The following SPTBN2 variants were observed in gnomAD, a reference collection of about 807,000 sequenced individuals.
SPTBN2 encodes the protein spectrin beta, non-erythrocytic 2.
In SPTBN2, 107 loss-of-function variants were observed where a neutral mutation model predicts 284.2. The ratio of observed to expected loss-of-function variants is 0.38; its 90% CI spans 0.32 to 0.44. SPTBN2 has a LOEUF of 0.44. SPTBN2 is among the 20% of genes least tolerant of loss of function. SPTBN2 has a pLI of 1.00. For missense variants in SPTBN2, 2,569 were observed against 3,287.1 expected, an observed-to-expected ratio of 0.78 and a Z score of 5.34; for synonymous variants, 1,289 against 1,354.8, an observed-to-expected ratio of 0.95 and a Z score of 1.07.
At chr11:66,723,386 A>C (rs1319101569) in intron 1 of SPTBN2, among the ~76,000 whole-genome samples, 1 of 151,988 alleles carries the variant, frequency 6.6e-6, no homozygotes, top group Admixed American at 6.6e-5. Context: ...GGAAGGAAGG[A>C]GGTCTGGAGA....
chr11:66,742,281 A>G (rs1386238490), intron 1 of SPTBN2, among the ~76,000 whole-genome samples: 1 of 152,194 alleles, frequency 6.6e-6, no homozygotes, highest in Non-Finnish European at 1.5e-5. Context: ...TATCAAGCCT[A>G]TATTGCATGC....
intron 15 of SPTBN2, among the ~76,000 whole-genome samples, chr11:66,702,310 T>A (rs1465893000): frequency 6.6e-6 from 1 of 152,056 alleles, no homozygotes; most frequent in Non-Finnish European, 1.5e-5. Flanking sequence ...GGATTACAGG[T>A]GCCCGCCACC....
In SPTBN2 at chr11:66,710,604, G is replaced by A. The variant is rs1344872569; in HGVS notation, c.1051C>T (p.Arg351Cys). ...QNQLQSFNSY[R>C]TVEKPPKFTE... ...TACTTGGGCGGCTTCTCCACGGTGCGGTAGGAGTTGAAGGACTGCAGCTGG... is the reference window on the plus strand; with the variant it reads ...TACTTGGGCGGCTTCTCCACGGTGCAGTAGGAGTTGAAGGACTGCAGCTGG... The change falls in exon 10 of 38, where the codon CGC (arginine) becomes TGC (cysteine). Residue 351 changes from arginine (R) to cysteine (C), a missense_variant. By Grantham distance (180) the Arg-to-Cys change is radical. Around this residue, in one of 6 missense-constraint regions of SPTBN2, gnomAD observed 304 missense variants for 522.1 expected, o/e 0.58. Coordinates refer to ENST00000533211, the MANE Select transcript of SPTBN2 (RefSeq NM_006946.4). The surrounding 1 kb of genome is among the most constrained non-coding windows in gnomAD (Gnocchi z 4.9). 1.9e-6 allele frequency: 3 copies of A among 1,613,900 alleles called. No individual in the cohort carries two copies. Among genetic ancestry groups the A allele is most frequent in the Non-Finnish European group, 2.5e-6 (3 of 1,179,942 alleles).
In SPTBN2 at chr11:66,693,158, A is replaced by G. The variant is rs1479263962; in HGVS notation, c.4854+28T>C. On this transcript the variant is annotated intron_variant, in intron 24 of 37. Coordinates refer to ENST00000533211, the MANE Select transcript of SPTBN2 (RefSeq NM_006946.4). The surrounding 1 kb of genome is among the most constrained non-coding windows in gnomAD (Gnocchi z 5.7). The stretch of plus-strand genomic sequence containing the variant: ...GTCAGGGGAGGGCAGAACTGGTCAC[A>G]TACACTGGGCTCTGTCCTGGCCCTC... The G allele has an allele frequency of 6.2e-7, 1 of 1,614,070 alleles. No individual in the cohort carries two copies. The highest frequency in any genetic ancestry group is 8.5e-7 in the Non-Finnish European group (1 of 1,180,034).
At chr11:66,703,055 T>TA (rs1242593338) in intron 15 of SPTBN2, among the ~76,000 whole-genome samples, 2 of 151,056 alleles carry the variant, frequency 1.3e-5, no homozygotes, top group Non-Finnish European at 3.0e-5. Flanking sequence ...CCTTGAAAAC[T>TA]AAAAAAAATC....
chr11:66,718,730 G>A lies in SPTBN2; in HGVS notation c.157+2354C>T, dbSNP rs898885646. Among the ~76,000 whole-genome samples, 7 of 152,234 alleles carry A rather than the reference G, an allele frequency of 4.6e-5. No individual in the cohort carries two copies. The highest frequency in any genetic ancestry group is 3.9e-4 in the East Asian group (2 of 5,194). Reference sequence around the variant, plus strand: ...CCTCAGGCTGGAGTCCAGCGTCAGGGGATTCAAGAATGGTGGGAATTTCAA... The same window carrying A: ...CCTCAGGCTGGAGTCCAGCGTCAGGAGATTCAAGAATGGTGGGAATTTCAA... On this transcript the variant is annotated intron_variant, in intron 3 of 37. Transcript: ENST00000533211. This position sits in a 1 kb window ranked among gnomAD's most constrained non-coding sequence, Gnocchi z 4.8.
chr11:66,693,754 C>T lies in SPTBN2; in HGVS notation c.4593+18G>A, dbSNP rs778250614. On this transcript the variant is annotated intron_variant, in intron 23 of 37. Transcript: ENST00000533211. The surrounding 1 kb of genome is among the most constrained non-coding windows in gnomAD (Gnocchi z 5.7). The stretch of plus-strand genomic sequence containing the variant: ...AGGCTCCTGGGAACTTCTCTTTTGC[C>T]TTCAGCCTCTGCCTCACCTGGTTTT... 1 of 1,607,088 alleles carries T rather than the reference C, an allele frequency of 6.2e-7. No homozygotes were observed. Among genetic ancestry groups the T allele is most frequent in the South Asian group, 1.1e-5 (1 of 89,772 alleles).
intron 1 of SPTBN2, among the ~76,000 whole-genome samples, chr11:66,725,897 C>T (rs954476856): frequency 2.0e-5 from 3 of 152,222 alleles, no homozygotes; most frequent in African/African-American, 7.2e-5. Flanking sequence ...AATTCTTCCT[C>T]TCACCACATC....
At chr11:66,734,115 G>C (rs890137159), upstream of SPTBN2, among the ~76,000 whole-genome samples, 2 of 151,150 alleles carry the variant, frequency 1.3e-5, no homozygotes, top group African/African-American at 4.9e-5. Flanking sequence ...TTCTTCTTTT[G>C]TTATGGGGTT....
Position 66,721,330 on chromosome 11 carries a change from C to G in SPTBN2, c.-23+20G>C. 6.5e-7 allele frequency: 1 copy of G among 1,532,164 alleles called. No individual in the cohort carries two copies. The highest frequency in any genetic ancestry group is 1.7e-5 in the Admixed American group (1 of 59,892). The allele number at this position is 1,532,164 out of a possible 1,614,324, so 94.9% of individuals were successfully genotyped here. On this transcript the variant is annotated intron_variant, in intron 2 of 37. Coordinates refer to ENST00000533211, the MANE Select transcript of SPTBN2 (RefSeq NM_006946.4). ...CAAGCCCTCCACTCACCACCGGGGCCTTCTGTCTTCTTGCCCTACCTGTGC... is the reference window on the plus strand; with the variant it reads ...CAAGCCCTCCACTCACCACCGGGGCGTTCTGTCTTCTTGCCCTACCTGTGC...
chr11:66,714,305 G>C lies in SPTBN2; in HGVS notation c.575+11C>G, dbSNP rs373469801. 6.2e-7 allele frequency: 1 copy of C among 1,613,600 alleles called. No homozygotes were observed. ...TGACCCTCCAGTGCCACACGCCCAG[G>C]GTGTCCTCACCCTGCAGTCTTCATC... On this transcript the variant is annotated intron_variant, in intron 6 of 37. Transcript: ENST00000533211.
chr11:66,689,753 A>G, intron 29 of SPTBN2, 52 bp downstream of exon 29: 2 of 1,608,630 alleles, frequency 1.2e-6, no homozygotes, highest in South Asian at 1.1e-5. Context: ...CCAAGAAGTC[A>G]GCGTTCAGCA....
chr11:66,721,392 C>T lies in SPTBN2; in HGVS notation c.-65G>A. 9.1e-7 allele frequency: 1 copy of T among 1,099,522 alleles called. No homozygotes were observed. Among genetic ancestry groups the T allele is most frequent in the Non-Finnish European group, 1.4e-6 (1 of 736,652 alleles). 68.1% of individuals were successfully genotyped at this position (1,099,522 alleles called of 1,614,324 possible). A position where few individuals can be genotyped will look rare whatever the true frequency, so the allele number is the denominator to read the frequency against. ...TGTGGCCAGAGGCTGCGGTTGGCTGCTCAGTGGAAATCAGCCCCCAGGGGA... is the reference window on the plus strand; with the variant it reads ...TGTGGCCAGAGGCTGCGGTTGGCTGTTCAGTGGAAATCAGCCCCCAGGGGA... On this transcript the variant is annotated 5_prime_UTR_variant, in exon 2 of 38. Coordinates refer to ENST00000533211, the MANE Select transcript of SPTBN2 (RefSeq NM_006946.4).
rs776380925 is a variant in SPTBN2, at chr11:66,708,453, C to T, written c.1192-154G>A. Among the ~76,000 whole-genome samples, 9 of 152,170 alleles carry T rather than the reference C, an allele frequency of 5.9e-5. No homozygotes were observed. The highest frequency in any genetic ancestry group is 2.0e-4 in the Admixed American group (3 of 15,280). On this transcript the variant is annotated intron_variant, in intron 11 of 37. Transcript: ENST00000533211. The surrounding 1 kb of genome is among the most constrained non-coding windows in gnomAD (Gnocchi z 4.4). ...GGCGTGGAAACAGGAAACAGGGCAG[C>T]GCTGGGAGTCTGTGAAGCCATGTAG... is the stretch of plus-strand genomic sequence containing the variant.
In SPTBN2 at chr11:66,687,431, T is replaced by C. The variant is rs1940193443; in HGVS notation, c.6718A>G (p.Asn2240Asp). The C allele has an allele frequency of 1.2e-6, 2 of 1,605,790 alleles. No individual in the cohort carries two copies. The highest frequency in any genetic ancestry group is 1.3e-5 in the African/African-American group (1 of 74,920). Residue 2240 changes from asparagine to aspartate, a missense_variant, in exon 35 of 38, where the codon AAC (asparagine) becomes GAC (aspartate). Coordinates refer to ENST00000533211, the MANE Select transcript of SPTBN2 (RefSeq NM_006946.4). The surrounding 1 kb of genome is among the most constrained non-coding windows in gnomAD (Gnocchi z 5.2). ...CAGGCTCCAGAGAGGCTGTACCTGT[T>C]GGCAGCCTTCTTCCCGAAGGCCTCC... Reference protein sequence around the residue: ...EMEAFGKKAANRSWQNVYCVL... With the variant: ...EMEAFGKKAADRSWQNVYCVL...
rs138526888 is a variant in SPTBN2 at position 66,699,446 on chromosome 11, C to T, written c.3736G>A (p.Ala1246Thr). 14 of 1,614,010 alleles carry T rather than the reference C, an allele frequency of 8.7e-6. No homozygotes were observed. Among genetic ancestry groups the T allele is most frequent in the African/African-American group, 4.0e-5 (3 of 74,896 alleles). Reference sequence around the variant, plus strand: ...TCTGCCTTTTCCCGAATCTTGTCGGCGTGGATGTTGCCTTCAGATACCAGC... The same window carrying T: ...TCTGCCTTTTCCCGAATCTTGTCGGTGTGGATGTTGCCTTCAGATACCAGC... ...RQLVSEGNIH[A>T]DKIREKADSI... Residue 1246 changes from alanine (A) to threonine (T), a missense_variant, in exon 18 of 38, where the codon GCC becomes ACC. Transcript: ENST00000533211.
intron 5 of SPTBN2, 79 bp from the exon 6 acceptor site, chr11:66,714,486 GGAAA>G: frequency 7.9e-7 from 1 of 1,268,652 alleles, no homozygotes; most frequent in Non-Finnish European, 1.1e-6. Context: ...ATAAATGGCA[GGAAA>G]CTGCTCTTTA....
rs189152678 is a variant in SPTBN2, at chr11:66,686,118, G to T, written c.6940-14C>A. 81 of 1,609,036 alleles carry T rather than the reference G, an allele frequency of 5.0e-5. No individual in the cohort carries two copies. In the African/African-American group the frequency reaches 1.0e-3, roughly 20 times the overall value. On this transcript the variant is annotated splice_polypyrimidine_tract_variant and intron_variant, in intron 37 of 37. Transcript: ENST00000533211. ...GCTCATCTCTGCCTGTGGATGGAAA[G>T]ACCCTCAATCAGCTTCAAGGACACT...
chr11:66,731,580 C>T (rs1942814763), upstream of SPTBN2, among the ~76,000 whole-genome samples: 1 of 152,218 alleles, frequency 6.6e-6, no homozygotes. Context: ...AGTCTCATCC[C>T]CTTCTGCAGC....
Sources: gnomAD v4.1 joint callset for allele counts (sites outside exome capture counted in the v4.1 genomes callset) on GRCh38, gnomAD v4.1.1 for gene constraint, gnomAD v4.1.1 regional missense constraint, Gnocchi (gnomAD v3.1) non-coding constraint, MANE v1.5 for transcripts, NCBI Gene and HGNC (gene_info 2026-07-23, HGNC 2026-07-21) for gene names.